The following INPP1 variants were observed in gnomAD, a reference collection of about 807,000 sequenced individuals.
The protein encoded by INPP1 is inositol polyphosphate 1-phosphatase.
Under a neutral mutation model 23.0 loss-of-function variants are expected in INPP1, and 18 were observed. The ratio of observed to expected loss-of-function variants is 0.78; its 90% CI spans 0.54 to 1.16. The LOEUF is 1.16. Among genes scored for constraint, INPP1 ranks in the 50% most tolerant of loss-of-function variants. The probability of loss-of-function intolerance (pLI) is 0.00; values close to 1 mark genes in which losing one functional copy is unlikely to be tolerated. For missense variants in INPP1, 448 were observed against 482.1 expected (o/e 0.93, Z 0.66); for synonymous variants, 164 against 176.3 (o/e 0.93, Z 0.55).
At chr2:190,361,117 A>G (rs947754058) in intron 3 of INPP1, among the ~76,000 whole-genome samples, 4 of 138,624 alleles carry the variant, frequency 2.9e-5, no homozygotes, top group African/African-American at 1.2e-4. Context: ...AAGAACTACT[A>G]TTACAATGCA....
At chr2:190,344,436 C>T (rs1382278899) in intron 1 of INPP1, among the ~76,000 whole-genome samples, 1 of 152,254 alleles carries the variant, frequency 6.6e-6, no homozygotes, top group Non-Finnish European at 1.5e-5. Flanking sequence ...TTGAGAGATG[C>T]ATCTGAGTGT....
chr2:190,345,777 T>C lies in INPP1; in HGVS notation c.-209+1816T>C, dbSNP rs140648931. On this transcript the variant is annotated intron_variant, in intron 1 of 6. Coordinates refer to ENST00000392329, the MANE Select transcript of INPP1 (RefSeq NM_001128928.2). The surrounding 1 kb of genome is among the most constrained non-coding windows in gnomAD (Gnocchi z 4.9). ...GGGAGGCCAAGGCAGGTGGATCACTTGAGGTTAGGAGTTCGAGACCAGCCT... is the reference window on the plus strand; with the variant it reads ...GGGAGGCCAAGGCAGGTGGATCACTCGAGGTTAGGAGTTCGAGACCAGCCT... 5.7e-3 allele frequency among the ~76,000 whole-genome samples: 862 copies of C among 152,276 alleles called. 10 individuals are homozygous for C. Among genetic ancestry groups the C allele is most frequent in the African/African-American group, 0.02 (827 of 41,554 alleles).
chr2:190,360,008 C>A, intron 2 of INPP1, 31 bp from the exon 3 acceptor site: 2 of 1,305,330 alleles, frequency 1.5e-6, no homozygotes, highest in South Asian at 1.3e-5. Flanking sequence ...CTCTGAACTG[C>A]TTTCTCTTTC....
Position 190,344,168 on chromosome 2 carries a change from C to T in INPP1, c.-209+207C>T, listed in dbSNP as rs1689172164. 6.1e-5 allele frequency: 10 copies of T among 163,772 alleles called. No individual in the cohort carries two copies. The Admixed American group carries it at 6.5e-4, about 11-fold the overall frequency. The allele number at this position is 163,772 out of a possible 1,614,324, so 10.1% of individuals were successfully genotyped here. On this transcript the variant is annotated intron_variant, in intron 1 of 6. Transcript: ENST00000392329. ...GCAGCGAGGCCGCCCCCGGCCGGGC[C>T]CGGCCAGGCATGCCCGGCATCGCCG...
rs1193741291 is a variant in INPP1, at chr2:190,367,099, T to C, written c.466+204T>C. Among the ~76,000 whole-genome samples, 1 of 152,188 alleles carries C rather than the reference T, an allele frequency of 6.6e-6. No individual in the cohort carries two copies. The highest frequency in any genetic ancestry group is 1.5e-5 in the Non-Finnish European group (1 of 68,026). On this transcript the variant is annotated intron_variant, in intron 5 of 6. Transcript: ENST00000392329. This position sits in a 1 kb window ranked among gnomAD's most constrained non-coding sequence, Gnocchi z 4.1. Reference sequence around the variant, plus strand: ...TATACATATATATTATAGCCGTGTGTATATATATACATATCTATAACAGGT... The same window carrying C: ...TATACATATATATTATAGCCGTGTGCATATATATACATATCTATAACAGGT...
rs13411353 is a variant in INPP1, at chr2:190,354,360, T to G, written c.-65+5329T>G. On this transcript the variant is annotated intron_variant, in intron 2 of 6. Coordinates refer to ENST00000392329, the MANE Select transcript of INPP1 (RefSeq NM_001128928.2). This position sits in a 1 kb window ranked among gnomAD's most constrained non-coding sequence, Gnocchi z 4.8. ...CCACGGCCTGTCTTTCAGGAGAGGT[T>G]TTAGGGGCTAAATTATGTTACTTCA... Among the ~76,000 whole-genome samples the G allele has an allele frequency of 0.026, 3,954 of 151,572 alleles. 179 individuals are homozygous for G. Among genetic ancestry groups the G allele is most frequent in the African/African-American group, 0.09 (3,709 of 41,238 alleles).
Position 190,354,542 on chromosome 2 carries a change from C to T in INPP1, c.-64-5497C>T, listed in dbSNP as rs961831535. On this transcript the variant is annotated intron_variant, in intron 2 of 6. Transcript: ENST00000392329. This position sits in a 1 kb window ranked among gnomAD's most constrained non-coding sequence, Gnocchi z 4.8. ...AGGGAGACATGCCAGAGATTAACGC[C>T]CACGATGGAAAGGCCAGGTGAGGCC... Among the ~76,000 whole-genome samples the T allele has an allele frequency of 3.3e-5, 5 of 152,178 alleles. No individual in the cohort carries two copies. The highest frequency in any genetic ancestry group is 4.8e-5 in the African/African-American group (2 of 41,442).
chr2:190,371,284 C>CT lies in INPP1; in HGVS notation c.1083dup (p.Gly362TrpfsTer43). On this transcript the variant is annotated frameshift_variant, in exon 7 of 7. Transcript: ENST00000392329. LOFTEE classifies it low-confidence loss of function (END_TRUNC). The surrounding 1 kb of genome is among the most constrained non-coding windows in gnomAD (Gnocchi z 5.3). ...TACCACGTGGAAAATGAGGGTGCTG[C>CT]TGGGGTGGATCGGTGGGCCAACAAG... The CT allele has an allele frequency of 6.2e-7, 1 of 1,611,106 alleles. No homozygotes were observed. Among genetic ancestry groups the CT allele is most frequent in the Non-Finnish European group, 8.5e-7 (1 of 1,178,076 alleles).
chr2:190,351,323 A>T (rs2124918243), intron 2 of INPP1, among the ~76,000 whole-genome samples: 1 of 152,346 alleles, frequency 6.6e-6, no homozygotes, highest in East Asian at 1.9e-4. Context: ...ATACATTTTT[A>T]AAAAACAAAC....
intron 4 of INPP1, among the ~76,000 whole-genome samples, chr2:190,366,408 G>T (rs1005259281): frequency 1.8e-4 from 18 of 100,058 alleles, no homozygotes; most frequent in Non-Finnish European, 3.3e-4. Context: ...TGTCTCTCTT[G>T]CTCTCACTCT....
rs749160585 is a variant in INPP1 at position 190,370,952 on chromosome 2, C to G, written c.750C>G (p.Thr250=). ...RNGSETHTGN[T]GSEAAFSPSF... Reference sequence around the variant, plus strand: ...GCAGTGAAACACACACTGGAAACACCGGCTCTGAGGCAGCATTCTCCCCCA... The same window carrying G: ...GCAGTGAAACACACACTGGAAACACGGGCTCTGAGGCAGCATTCTCCCCCA... Residue 250 remains threonine, a synonymous_variant, in exon 7 of 7, where the codon ACC becomes ACG. Coordinates refer to ENST00000392329, the MANE Select transcript of INPP1 (RefSeq NM_001128928.2). 2.5e-6 allele frequency: 4 copies of G among 1,614,118 alleles called. No homozygotes were observed. The Admixed American group carries it at 6.7e-5, about 27-fold the overall frequency.
intron 2 of INPP1, among the ~76,000 whole-genome samples, chr2:190,349,888 AG>A (rs1210145674): frequency 6.6e-6 from 1 of 152,248 alleles, no homozygotes; most frequent in Non-Finnish European, 1.5e-5. Flanking sequence ...CGTGTCACCT[AG>A]GCTGGAGTGC....
Position 190,346,899 on chromosome 2 carries a change from C to G in INPP1, c.-208-1989C>G, listed in dbSNP as rs1019815003. Reference sequence around the variant, plus strand: ...GGACTACAGGTGTGAGCTGCTGCACCCAGCCTAATTTCTTTCATATTATAG... The same window carrying G: ...GGACTACAGGTGTGAGCTGCTGCACGCAGCCTAATTTCTTTCATATTATAG... On this transcript the variant is annotated intron_variant, in intron 1 of 6. Coordinates refer to ENST00000392329, the MANE Select transcript of INPP1 (RefSeq NM_001128928.2). This position sits in a 1 kb window ranked among gnomAD's most constrained non-coding sequence, Gnocchi z 5.1. 4.6e-5 allele frequency among the ~76,000 whole-genome samples: 7 copies of G among 152,058 alleles called. No homozygotes were observed. Among genetic ancestry groups the G allele is most frequent in the African/African-American group, 1.7e-4 (7 of 41,382 alleles).
rs570523993 is a variant in INPP1, at chr2:190,369,770, A to G, written c.641+493A>G. ...ACTCCCTTTCTGCCTCCTCCCTTCCACTCTTCCATGCACTCTTAAACAGAG... is the reference window on the plus strand; with the variant it reads ...ACTCCCTTTCTGCCTCCTCCCTTCCGCTCTTCCATGCACTCTTAAACAGAG... On this transcript the variant is annotated intron_variant, in intron 6 of 6. Coordinates refer to ENST00000392329, the MANE Select transcript of INPP1 (RefSeq NM_001128928.2). Among the ~76,000 whole-genome samples the G allele has an allele frequency of 4.6e-5, 7 of 151,784 alleles. 1 individual carries two copies. In the South Asian group the frequency reaches 1.5e-3, roughly 32 times the overall value.
At chr2:190,360,386 C>A in intron 3 of INPP1, 80 bp downstream of exon 3, 1 of 1,186,818 alleles carries the variant, frequency 8.4e-7, no homozygotes, top group Non-Finnish European at 1.2e-6. Context: ...ATGCCTTTTG[C>A]TCCTCACCCC....
At position 190,352,190 on chromosome 2, in the gene INPP1, G is replaced by A. The variant is rs114980035; in HGVS notation, c.-65+3159G>A. Among the ~76,000 whole-genome samples, 470 of 152,308 alleles carry A rather than the reference G, an allele frequency of 3.1e-3. 5 individuals are homozygous for A. Among genetic ancestry groups the A allele is most frequent in the African/African-American group, 0.011 (442 of 41,564 alleles). On this transcript the variant is annotated intron_variant, in intron 2 of 6. Coordinates refer to ENST00000392329, the MANE Select transcript of INPP1 (RefSeq NM_001128928.2). The surrounding 1 kb of genome is among the most constrained non-coding windows in gnomAD (Gnocchi z 4.7). Reference sequence around the variant, plus strand: ...AGGTCGAGAAAGCAGGAAGAAGGGCGTGTCAACCAGAGGGAGCAGCATGTG... The same window carrying A: ...AGGTCGAGAAAGCAGGAAGAAGGGCATGTCAACCAGAGGGAGCAGCATGTG...
Position 190,371,361 on chromosome 2 carries a change from C to G in INPP1, c.1159C>G (p.Leu387Val). Residue 387 changes from leucine (L) to valine (V), a missense_variant, in exon 7 of 7, where the codon CTC (leucine) becomes GTC (valine). Transcript: ENST00000392329. The surrounding 1 kb of genome is among the most constrained non-coding windows in gnomAD (Gnocchi z 5.3). ...GAAGCGGCTGGAGACATTCCTGAGC[C>G]TCCTGGTCCAAAACCTGGCACCTGC... ...SRKRLETFLSLLVQNLAPAET... is the reference protein window; with the variant it reads ...SRKRLETFLSVLVQNLAPAET... 1 of 1,539,366 alleles carries G rather than the reference C, an allele frequency of 6.5e-7. No individual in the cohort carries two copies. Among genetic ancestry groups the G allele is most frequent in the Middle Eastern group, 2.1e-4 (1 of 4,756 alleles).
intron 4 of INPP1, among the ~76,000 whole-genome samples, chr2:190,365,646 G>A (rs908384448): frequency 6.6e-6 from 1 of 152,200 alleles, no homozygotes; most frequent in Admixed American, 6.5e-5. Flanking sequence ...AAGTGCCTGG[G>A]TAGCCACTGA....
In INPP1 at chr2:190,362,027, A is replaced by G. The variant is rs576340688; in HGVS notation, c.205-600A>G. Among the ~76,000 whole-genome samples, 12 of 152,336 alleles carry G rather than the reference A, an allele frequency of 7.9e-5. No homozygotes were observed. The South Asian group carries it at 2.5e-3, about 32-fold the overall frequency. On this transcript the variant is annotated intron_variant, in intron 3 of 6. Transcript: ENST00000392329. ...CATACAGAGATGACAGAAGATTCTT[A>G]CTTGACTCCATTTATTCACTCTATA...
Sources: allele counts gnomAD v4.1 joint callset (sites outside exome capture counted in the v4.1 genomes callset), GRCh38; gene constraint gnomAD v4.1.1; non-coding constraint Gnocchi (gnomAD v3.1); transcripts MANE v1.5; gene names NCBI Gene and HGNC (gene_info 2026-07-23, HGNC 2026-07-21).